The following CEMIP2 variants were observed in gnomAD, a reference collection of about 807,000 sequenced individuals.
CEMIP2 encodes cell surface hyaluronidase CEMIP2.
Under a neutral mutation model 146.9 loss-of-function variants are expected in CEMIP2, and 79 were observed. The ratio of observed to expected loss-of-function variants is 0.54; its 90% CI spans 0.45 to 0.65. The LOEUF (loss-of-function observed/expected upper bound fraction) is 0.65. Among genes scored for constraint, CEMIP2 ranks in the 30% least tolerant of loss-of-function variants. CEMIP2 has a pLI of 0.00. For synonymous variants in CEMIP2, 601 were observed against 606.3 expected, an observed-to-expected ratio of 0.99 and a Z score of 0.13; for missense variants, 1,596 against 1,696.2, an observed-to-expected ratio of 0.94 and a Z score of 1.04.
At chr9:71,747,864 C>T (rs1382633029) in intron 2 of CEMIP2, among the ~76,000 whole-genome samples, 1 of 152,150 alleles carries the variant, frequency 6.6e-6, no homozygotes, top group Non-Finnish European at 1.5e-5. Flanking sequence ...GCAATTATTT[C>T]ATGGAATTAG....
At chr9:71,694,736 C>A in intron 20 of CEMIP2, 129 bp from the exon 21 acceptor site, 1 of 625,222 alleles carries the variant, frequency 1.6e-6, no homozygotes, top group South Asian at 1.9e-5. Flanking sequence ...GTACATATTT[C>A]ATGACCTAGA....
At chr9:71,687,433 A>G (rs1472681308) in intron 22 of CEMIP2, 1 of 151,202 alleles carries the variant, frequency 6.6e-6, no homozygotes, top group East Asian at 1.9e-4. Context: ...CATATCCTTT[A>G]GCAATATATT....
chr9:71,743,861 A>G lies in CEMIP2; in HGVS notation c.1034+1157T>C, dbSNP rs117911837. Among the ~76,000 whole-genome samples, 976 of 152,292 alleles carry G rather than the reference A, an allele frequency of 6.4e-3. 9 individuals are homozygous for G. The highest frequency in any genetic ancestry group is 0.02 in the Middle Eastern group (6 of 294). On this transcript the variant is annotated intron_variant, in intron 4 of 23. Coordinates refer to ENST00000377044, the MANE Select transcript of CEMIP2 (RefSeq NM_013390.3). ...GCCTGTTCTAGAATTGCTGTAGGTA[A>G]TACCCCATTCCAACAACCTACTATC...
intron 10 of CEMIP2, among the ~76,000 whole-genome samples, chr9:71,728,589 T>C (rs1823518989): frequency 1.3e-5 from 2 of 151,884 alleles, no homozygotes; most frequent in Non-Finnish European, 2.9e-5. Context: ...GGGACATTTC[T>C]ACTACCCAAA....
chr9:71,700,832 G>A lies in CEMIP2; in HGVS notation c.3195-8C>T. 6.3e-7 allele frequency: 1 copy of A among 1,597,004 alleles called. No homozygotes were observed. Among genetic ancestry groups the A allele is most frequent in the Non-Finnish European group, 8.5e-7 (1 of 1,174,386 alleles). The stretch of plus-strand genomic sequence containing the variant: ...ACTCGAATCCAGTCATTCCTTTAAA[G>A]GAGAAACATAAAAAAATTAGTTTAC... On this transcript the variant is annotated splice_polypyrimidine_tract_variant and splice_region_variant and intron_variant, in intron 18 of 23. Transcript: ENST00000377044.
In CEMIP2 at chr9:71,718,718, A is replaced by G. The variant is rs142669674; in HGVS notation, c.2268-639T>C. Among the ~76,000 whole-genome samples the G allele has an allele frequency of 1.8e-3, 279 of 152,096 alleles. 3 individuals are homozygous for G. Among genetic ancestry groups the G allele is most frequent in the African/African-American group, 6.5e-3 (270 of 41,500 alleles). ...CAGCCTTCTGAGTAGCTGGGATTAC[A>G]GGCATCCATCGCCACACCCACCTAA... On this transcript the variant is annotated intron_variant, in intron 12 of 23. Transcript: ENST00000377044.
At chr9:71,713,908 A>G (rs939907571) in intron 15 of CEMIP2, among the ~76,000 whole-genome samples, 3 of 152,244 alleles carry the variant, frequency 2.0e-5, no homozygotes, top group Non-Finnish European at 4.4e-5. Context: ...CATGTTAGCA[A>G]TTAAAAAATC....
chr9:71,707,900 A>C (rs1822796929), intron 17 of CEMIP2, among the ~76,000 whole-genome samples: 1 of 152,124 alleles, frequency 6.6e-6, no homozygotes, highest in South Asian at 2.1e-4. Flanking sequence ...CTATTATTAA[A>C]TCCTGGCCGG....
chr9:71,732,380 C>A lies in CEMIP2; in HGVS notation c.1534G>T (p.Asp512Tyr), dbSNP rs757337327. The part of the protein sequence containing the change: ...CYAENQCQFF[D>Y]YDTFGGHIMI... ...ATGTGTCCCCCAAAGGTATCATAAT[C>A]AAAAAATTGGCACTGATTTTCTGCG... is the stretch of plus-strand genomic sequence containing the variant. Residue 512 changes from aspartate (D) to tyrosine (Y), a missense_variant, in exon 7 of 24, where the codon GAT (aspartate) becomes TAT (tyrosine). By Grantham distance (160) the Asp-to-Tyr change is radical. Coordinates refer to ENST00000377044, the MANE Select transcript of CEMIP2 (RefSeq NM_013390.3). The A allele has an allele frequency of 2.2e-5, 35 of 1,612,390 alleles. No individual in the cohort carries two copies. The highest frequency in any genetic ancestry group is 1.6e-4 in the Middle Eastern group (1 of 6,076).
chr9:71,750,463 T>G, intron 1 of CEMIP2, 78 bp from the exon 2 acceptor site: 1 of 1,121,050 alleles, frequency 8.9e-7, no homozygotes, highest in Non-Finnish European at 1.2e-6. Flanking sequence ...ATTTATGAGA[T>G]GGAGTTTCAC....
In CEMIP2 at chr9:71,728,288, T is replaced by A. The variant is rs1461048780; in HGVS notation, c.2049+1557A>T. ...ATATATATATATATATATGTATATA[T>A]ATATATATATATACATATATATATA... On this transcript the variant is annotated intron_variant, in intron 10 of 23. Coordinates refer to ENST00000377044, the MANE Select transcript of CEMIP2 (RefSeq NM_013390.3). Among the ~76,000 whole-genome samples the A allele has an allele frequency of 4.6e-4, 13 of 28,552 alleles. 2 individuals are homozygous for A. The highest frequency in any genetic ancestry group is 1.4e-3 in the Admixed American group (3 of 2,098). 18.7% of individuals were successfully genotyped at this position (28,552 alleles called of 152,430 possible).
chr9:71,729,425 C>G (rs1823545897), intron 10 of CEMIP2, among the ~76,000 whole-genome samples: 1 of 151,910 alleles, frequency 6.6e-6, no homozygotes, highest in Non-Finnish European at 1.5e-5. Context: ...TGAGACCATC[C>G]TAGCTAAAAA....
chr9:71,708,495 G>A (rs1326670110), intron 17 of CEMIP2, among the ~76,000 whole-genome samples: 1 of 152,116 alleles, frequency 6.6e-6, no homozygotes, highest in East Asian at 1.9e-4. Context: ...ATTGTGTACC[G>A]ACATAGAGAA....
At chr9:71,723,843 A>C (rs548209694) in intron 11 of CEMIP2, among the ~76,000 whole-genome samples, 2 of 152,278 alleles carry the variant, frequency 1.3e-5, no homozygotes, top group South Asian at 2.1e-4. Flanking sequence ...CCAAAATGAC[A>C]TGTTTCTTTT....
At chr9:71,691,443 A>T (rs986758032) in intron 21 of CEMIP2, among the ~76,000 whole-genome samples, 5 of 151,678 alleles carry the variant, frequency 3.3e-5, no homozygotes, top group African/African-American at 9.7e-5. Flanking sequence ...AATAAATAAA[A>T]AAGCCCTTTA....
chr9:71,754,276 G>C, intron 1 of CEMIP2, among the ~76,000 whole-genome samples: 1 of 152,170 alleles, frequency 6.6e-6, no homozygotes, highest in African/African-American at 2.4e-5. Context: ...AAGTGAAATT[G>C]ACCAAGTTTC....
chr9:71,694,626 C>A lies in CEMIP2; in HGVS notation c.3598-19G>T. 1 of 1,553,002 alleles carries A rather than the reference C, an allele frequency of 6.4e-7. No homozygotes were observed. The highest frequency in any genetic ancestry group is 1.1e-5 in the South Asian group (1 of 89,746). On this transcript the variant is annotated intron_variant, in intron 20 of 23. Transcript: ENST00000377044. ...ACACCACCTAGACAGAGAAGAAGTT[C>A]CATATTTATGGCAACTCTTACCTTC...
intron 21 of CEMIP2, 21 bp from the exon 22 acceptor site, chr9:71,690,267 T>A (rs1167721899): frequency 6.2e-7 from 1 of 1,608,748 alleles, no homozygotes; most frequent in East Asian, 2.2e-5. Flanking sequence ...AAAAACATCT[T>A]CTGCTGTCAT....
intron 12 of CEMIP2, among the ~76,000 whole-genome samples, chr9:71,719,868 T>C (rs1823184084): frequency 1.5e-5 from 1 of 68,300 alleles, no homozygotes; most frequent in Admixed American, 1.5e-4. Flanking sequence ...AAAAGAGTAC[T>C]ATAAGGCAGC....
Sources: gnomAD v4.1 joint callset for allele counts (sites outside exome capture counted in the v4.1 genomes callset) on GRCh38, gnomAD v4.1.1 for gene constraint, MANE v1.5 for transcripts, NCBI Gene and HGNC (gene_info 2026-07-23, HGNC 2026-07-21) for gene names.